Variants in TRAK1 observed in about 807,000 individuals in gnomAD.
TRAK1 encodes trafficking kinesin protein 1.
A neutral mutation model predicts 92.1 loss-of-function variants in TRAK1; 33 were observed. The observed-to-expected ratio is 0.36, with a 90% CI of 0.27 to 0.48. TRAK1 has a LOEUF of 0.48. TRAK1 is among the 20% of genes least tolerant of loss of function. The pLI is 0.99. For synonymous variants in TRAK1, 521 were observed against 517.3 expected (o/e 1.01, Z -0.10); for missense variants, 1,123 against 1,257.9 (o/e 0.89, Z 1.62).
chr3:42,163,501 G>C (rs925821083), intron 2 of TRAK1, among the ~76,000 whole-genome samples: 8 of 151,942 alleles, frequency 5.3e-5, no homozygotes, highest in African/African-American at 1.9e-4. Context: ...CTGGGAGGCG[G>C]AGCTTGCAGT....
intron 14 of TRAK1, chr3:42,217,643 T>C: frequency 1.0e-6 from 1 of 985,440 alleles, no homozygotes. Flanking sequence ...AAATCCAGCC[T>C]TCCCTTGTTT....
chr3:42,132,707 ATGTACTC>A (rs1697375611), intron 2 of TRAK1, among the ~76,000 whole-genome samples: 1 of 151,940 alleles, frequency 6.6e-6, no homozygotes, highest in South Asian at 2.1e-4. Flanking sequence ...GGTGACTGTG[ATGTACTC>A]CTCTAAATGT....
At chr3:42,121,667 G>C (rs1480186762) in intron 1 of TRAK1, among the ~76,000 whole-genome samples, 1 of 152,134 alleles carries the variant, frequency 6.6e-6, no homozygotes, top group African/African-American at 2.4e-5. Flanking sequence ...GGGGTCTGTG[G>C]GGCTTTTGGC....
intron 1 of TRAK1, among the ~76,000 whole-genome samples, chr3:42,093,993 C>T (rs905133201): frequency 5.9e-5 from 9 of 152,058 alleles, no homozygotes; most frequent in East Asian, 1.9e-4. Flanking sequence ...CGTGAGCCGC[C>T]GTGCCTGGCC....
Position 42,014,651 on chromosome 3 carries a change from G to A in TRAK1, c.-519+534G>A, listed in dbSNP as rs115768634. Among the ~76,000 whole-genome samples, 996 of 152,314 alleles carry A rather than the reference G, an allele frequency of 6.5e-3. 9 individuals are homozygous for A. The highest frequency in any genetic ancestry group is 8.8e-3 in the Non-Finnish European group (596 of 68,028). On this transcript the variant is annotated intron_variant, in intron 1 of 16. Coordinates refer to the TRAK1 transcript ENST00000487159. The stretch of plus-strand genomic sequence containing the variant: ...CTTCTTTTGTAAAGTTGTGTTTCAG[G>A]AAAGATGTTAAAAGTCGGCCTGCTC...
chr3:42,195,427 T>C (rs1706469358), intron 10 of TRAK1, among the ~76,000 whole-genome samples: 1 of 152,234 alleles, frequency 6.6e-6, no homozygotes, highest in Admixed American at 6.5e-5. Flanking sequence ...TTTGATGAAA[T>C]GCTAAATGCT....
intron 1 of TRAK1, among the ~76,000 whole-genome samples, chr3:42,035,775 C>T (rs1235473780): frequency 1.3e-5 from 2 of 152,208 alleles, no homozygotes; most frequent in Non-Finnish European, 2.9e-5. Context: ...TGCTGCCTCT[C>T]CTCCCCTTGC....
chr3:42,186,052 A>G (rs904555117), intron 4 of TRAK1, among the ~76,000 whole-genome samples: 1 of 142,086 alleles, frequency 7.0e-6, no homozygotes, highest in Non-Finnish European at 1.5e-5. Context: ...GTGAGATCAC[A>G]GCTCACTGCA....
At chr3:42,162,409 T>C (rs1471337132) in intron 2 of TRAK1, among the ~76,000 whole-genome samples, 1 of 151,992 alleles carries the variant, frequency 6.6e-6, no homozygotes, top group African/African-American at 2.4e-5. Context: ...GAAATCACAG[T>C]TTATTCTGAT....
intron 1 of TRAK1, among the ~76,000 whole-genome samples, chr3:42,014,804 T>C (rs1320221687): frequency 9.2e-5 from 7 of 75,748 alleles, no homozygotes; most frequent in African/African-American, 2.1e-4. Context: ...GTTGGACCGC[T>C]GATTTTTTTT....
intron 1 of TRAK1, among the ~76,000 whole-genome samples, chr3:42,055,457 A>G (rs904765971): frequency 6.6e-6 from 1 of 152,132 alleles, no homozygotes; most frequent in African/African-American, 2.4e-5. Flanking sequence ...GTGCAACATC[A>G]CCACAGCAAA....
intron 2 of TRAK1, among the ~76,000 whole-genome samples, chr3:42,170,098 G>A (rs982758012): frequency 2.0e-5 from 3 of 152,182 alleles, no homozygotes; most frequent in African/African-American, 4.8e-5. Context: ...GAGGCGGGAG[G>A]GTTGGGCTGG....
Position 42,199,147 on chromosome 3 carries a change from C to T in TRAK1, c.1114-30C>T. The T allele has an allele frequency of 2.5e-6, 4 of 1,612,534 alleles. No individual in the cohort carries two copies. The South Asian group carries it at 3.3e-5, about 13-fold the overall frequency. ...GACAGAGCATTTGAATTGGCGCTCA[C>T]TTGACATTTGTCTTTCTGGCTTTTC... On this transcript the variant is annotated intron_variant, in intron 10 of 15. Transcript: ENST00000327628.
chr3:42,107,290 C>G (rs1042207187), intron 1 of TRAK1, among the ~76,000 whole-genome samples: 2 of 152,046 alleles, frequency 1.3e-5, no homozygotes, highest in African/African-American at 2.4e-5. Flanking sequence ...CCAAGGCGGG[C>G]GGATCATGAG....
chr3:42,192,423 G>A (rs1402855137), intron 7 of TRAK1, among the ~76,000 whole-genome samples: 2 of 151,868 alleles, frequency 1.3e-5, no homozygotes, highest in Admixed American at 6.6e-5. Context: ...AAAGTACTAA[G>A]TATTTTGCAT....
At chr3:42,210,258 T>C (rs1708859189) in intron 14 of TRAK1, 6 of 1,522,422 alleles carry the variant, frequency 3.9e-6, no homozygotes, top group Non-Finnish European at 4.4e-6. Context: ...GTGTGGGTGA[T>C]GATTAAAGCA....
chr3:42,064,335 G>A (rs1052857440), intron 1 of TRAK1, among the ~76,000 whole-genome samples: 3 of 149,008 alleles, frequency 2.0e-5, no homozygotes, highest in Non-Finnish European at 4.4e-5. Context: ...TTATAACCCG[G>A]TCTCAAATGA....
At position 42,223,219 on chromosome 3, in the gene TRAK1, C is replaced by T; in HGVS notation, c.2344C>T (p.Pro782Ser). The T allele has an allele frequency of 6.2e-7, 1 of 1,614,218 alleles. No homozygotes were observed. Among genetic ancestry groups the T allele is most frequent in the Non-Finnish European group, 8.5e-7 (1 of 1,180,028 alleles). ...CAAGATGGCTGTGATCCCCTCTACT[C>T]CGCCGAACTCGCCTATGCAGACACC... The part of the protein sequence containing the change: ...TPKMAVIPST[P>S]PNSPMQTPTS... Residue 782 changes from proline to serine, a missense_variant, in exon 16 of 16, where the codon CCG becomes TCG. Physicochemically the swap from Pro to Ser is moderately conservative, Grantham distance 74 (BLOSUM62 -1). Coordinates refer to ENST00000327628, the MANE Select transcript of TRAK1 (RefSeq NM_001042646.3). This position sits in a 1 kb window ranked among gnomAD's most constrained non-coding sequence, Gnocchi z 6.1.
intron 1 of TRAK1, among the ~76,000 whole-genome samples, chr3:42,059,121 G>T (rs1022845955): frequency 7.9e-5 from 12 of 151,634 alleles, no homozygotes; most frequent in African/African-American, 4.9e-5. Flanking sequence ...TTGAGACAGG[G>T]TCTTGTTCTG....
Sources: gnomAD v4.1 joint callset for allele counts (sites outside exome capture counted in the v4.1 genomes callset) on GRCh38, gnomAD v4.1.1 for gene constraint, Gnocchi (gnomAD v3.1) non-coding constraint, MANE v1.5 for transcripts, NCBI Gene and HGNC (gene_info 2026-07-23, HGNC 2026-07-21) for gene names.